Variants in KLF17 observed in about 807,000 individuals in gnomAD.
The protein encoded by KLF17 is Krueppel-like factor 17.
In KLF17, 31 loss-of-function variants were observed where a neutral mutation model predicts 34.2. That is an observed-to-expected ratio of 0.91 (90% CI 0.68 to 1.22). The LOEUF (loss-of-function observed/expected upper bound fraction) is 1.22. Ranked by LOEUF, KLF17 falls within the 50% of genes most tolerant of loss-of-function variation. The probability of loss-of-function intolerance (pLI) is 0.00; values close to 1 mark genes in which losing one functional copy is unlikely to be tolerated. For missense variants in KLF17, 478 were observed against 505.2 expected (o/e 0.95, Z 0.52); for synonymous variants, 179 against 186.7 (o/e 0.96, Z 0.34).
rs187936927 is a variant in KLF17 at position 44,128,245 on chromosome 1, C to T, written c.82-1108C>T. ...TACAGGCACACGCCACCACACCTAG[C>T]TGATTTTGTTTTTCTTTTTGAAATT... On this transcript the variant is annotated intron_variant, in intron 1 of 3. Transcript: ENST00000372299. 3.0e-3 allele frequency among the ~76,000 whole-genome samples: 462 copies of T among 152,228 alleles called. 24 individuals are homozygous for T. The highest frequency in any genetic ancestry group is 0.028 in the Admixed American group (422 of 15,292).
the KLF17 span, among the ~76,000 whole-genome samples, chr1:44,112,561 T>A: frequency 1.3e-5 from 2 of 152,210 alleles, no homozygotes; most frequent in East Asian, 3.9e-4. Flanking sequence ...CTTGCCACCA[T>A]GCCTGGCCAT....
chr1:44,090,341 A>G, the KLF17 span, among the ~76,000 whole-genome samples: 9 of 146,394 alleles, frequency 6.1e-5, no homozygotes, highest in African/African-American at 2.2e-4. Context: ...AAAAAAAGAA[A>G]AGATTTGTTG....
the KLF17 span, among the ~76,000 whole-genome samples, chr1:44,081,636 G>A: frequency 1.3e-5 from 2 of 151,898 alleles, no homozygotes; most frequent in Non-Finnish European, 2.9e-5. Context: ...GGCCAGGCTG[G>A]TCTTGAACTC....
the KLF17 span, among the ~76,000 whole-genome samples, chr1:44,066,822 A>G: frequency 1.3e-5 from 2 of 152,212 alleles, no homozygotes; most frequent in Non-Finnish European, 2.9e-5. Flanking sequence ...CACATGGAAT[A>G]TGACACAGCA....
the KLF17 span, among the ~76,000 whole-genome samples, chr1:44,064,371 G>C: frequency 6.6e-6 from 1 of 152,074 alleles, no homozygotes; most frequent in Non-Finnish European, 1.5e-5. Flanking sequence ...AACATTTGTC[G>C]GTTATCATTC....
At chr1:44,130,821 G>A in intron 3 of KLF17, 65 bp downstream of exon 3, 1 of 1,511,832 alleles carries the variant, frequency 6.6e-7, no homozygotes, top group Non-Finnish European at 9.1e-7. Flanking sequence ...TTTTGAGACG[G>A]AGTCTCACTC....
the KLF17 span, among the ~76,000 whole-genome samples, chr1:44,074,649 C>A: frequency 7.2e-5 from 11 of 152,176 alleles, no homozygotes; most frequent in African/African-American, 2.7e-4. Flanking sequence ...TTTCACGAAC[C>A]AGCACTATTT....
At chr1:44,054,860 A>G in the KLF17 span, among the ~76,000 whole-genome samples, 1 of 146,344 alleles carries the variant, frequency 6.8e-6, no homozygotes, top group Non-Finnish European at 1.5e-5. Context: ...GCTTACTGCA[A>G]CCTCTGCCTC....
intron 1 of KLF17, among the ~76,000 whole-genome samples, chr1:44,126,811 G>A (rs901590379): frequency 3.3e-5 from 5 of 151,978 alleles, no homozygotes; most frequent in Admixed American, 3.3e-4. Context: ...GCTTCGATAG[G>A]CTATTTTACT....
the KLF17 span, chr1:44,076,737 C>A: frequency 4.2e-5 from 6 of 144,100 alleles, no homozygotes; most frequent in African/African-American, 1.5e-4. Context: ...TTCTTTCTTT[C>A]TTTTTAAGAC....
the KLF17 span, among the ~76,000 whole-genome samples, chr1:44,086,826 C>T: frequency 6.6e-6 from 1 of 152,118 alleles, no homozygotes; most frequent in Non-Finnish European, 1.5e-5. Context: ...GAAACAAGGT[C>T]ATCAGCAGAG....
At chr1:44,130,369 C>T (rs2088093096) in intron 2 of KLF17, 143 bp from the exon 3 acceptor site, 8 of 1,358,254 alleles carry the variant, frequency 5.9e-6, no homozygotes, top group East Asian at 2.3e-5. Flanking sequence ...ATGACTGGGG[C>T]GGGCACTCCT....
At chr1:44,117,225 C>T (rs1003018329), upstream of KLF17, 33 of 152,164 alleles carry the variant, frequency 2.2e-4, no homozygotes, top group African/African-American at 7.0e-4. Context: ...GTTCATCCCT[C>T]CTTAGGCAAC....
chr1:44,065,529 C>G, the KLF17 span, among the ~76,000 whole-genome samples: 1 of 150,450 alleles, frequency 6.6e-6, no homozygotes, highest in Non-Finnish European at 1.5e-5. Context: ...CATGCCTCAG[C>G]CTCCCGAGTA....
chr1:44,085,992 A>G, the KLF17 span, among the ~76,000 whole-genome samples: 1 of 152,088 alleles, frequency 6.6e-6, no homozygotes, highest in Admixed American at 6.6e-5. Context: ...GTGTCCAAGG[A>G]GGAGAGAGTG....
At chr1:44,126,139 T>C (rs748670914) in intron 1 of KLF17, among the ~76,000 whole-genome samples, 3 of 152,166 alleles carry the variant, frequency 2.0e-5, no homozygotes, top group Non-Finnish European at 4.4e-5. Context: ...TTCTCCTGCC[T>C]CAGCCTCCTG....
chr1:44,083,326 G>A, the KLF17 span, among the ~76,000 whole-genome samples: 6 of 151,764 alleles, frequency 4.0e-5, no homozygotes, highest in East Asian at 1.9e-4. Flanking sequence ...AATTGCTTAA[G>A]TTTTTTCCTT....
the KLF17 span, among the ~76,000 whole-genome samples, chr1:44,111,695 T>A: frequency 2.6e-5 from 4 of 152,018 alleles, no homozygotes; most frequent in Admixed American, 2.6e-4. Context: ...AGTTCGAGAC[T>A]GTCCTGGCTT....
chr1:44,081,943 C>G, the KLF17 span, among the ~76,000 whole-genome samples: 1 of 152,078 alleles, frequency 6.6e-6, no homozygotes, highest in Non-Finnish European at 1.5e-5. Context: ...GTTACATCAT[C>G]TAGAATGTTA....
Sources: gnomAD v4.1 joint callset for allele counts (sites outside exome capture counted in the v4.1 genomes callset) on GRCh38, gnomAD v4.1.1 for gene constraint, MANE v1.5 for transcripts, NCBI Gene and HGNC (gene_info 2026-07-23, HGNC 2026-07-21) for gene names.